Variants in SNRPB2 observed in about 807,000 individuals in gnomAD.
SNRPB2 encodes the protein small nuclear ribonucleoprotein polypeptide B2.
In SNRPB2, 16 loss-of-function variants were observed where a neutral mutation model predicts 26.3. The ratio of observed to expected loss-of-function variants is 0.61; its 90% CI spans 0.41 to 0.92. The LOEUF (loss-of-function observed/expected upper bound fraction) is 0.92, where lower values mean the gene tolerates loss of function less well. SNRPB2 is among the 40% of genes least tolerant of loss of function. The pLI is 0.00. For synonymous variants in SNRPB2, 75 were observed against 89.0 expected (o/e 0.84, Z 0.88); for missense variants, 179 against 268.1 (o/e 0.67, Z 2.32).
At chr20:16,735,777 CT>C (rs2072422347) in intron 3 of SNRPB2, among the ~76,000 whole-genome samples, 1 of 152,186 alleles carries the variant, frequency 6.6e-6, no homozygotes. Flanking sequence ...TGATTCCATT[CT>C]TTTGTTTCCT....
rs1054956006 is a variant in SNRPB2 at position 16,736,173 on chromosome 20, A to G, written c.238-1088A>G. On this transcript the variant is annotated intron_variant, in intron 3 of 6. Coordinates refer to ENST00000246071, the MANE Select transcript of SNRPB2 (RefSeq NM_003092.5). ...ACTACTCGCTGTTAAAAGCAACGGC[A>G]TAGATGAATCTCAAAGACATTATGC... Among the ~76,000 whole-genome samples the G allele has an allele frequency of 4.1e-4, 63 of 152,360 alleles. 1 individual carries two copies. The highest frequency in any genetic ancestry group is 1.3e-3 in the African/African-American group (55 of 41,598).
At chr20:16,732,621 C>G (rs2072400247) in intron 3 of SNRPB2, among the ~76,000 whole-genome samples, 1 of 152,116 alleles carries the variant, frequency 6.6e-6, no homozygotes, top group Non-Finnish European at 1.5e-5. Flanking sequence ...TCCTGGAAGA[C>G]TTGAAAAGAA....
At chr20:16,736,319 A>C (rs1393317515) in intron 3 of SNRPB2, among the ~76,000 whole-genome samples, 1 of 152,100 alleles carries the variant, frequency 6.6e-6, no homozygotes, top group Non-Finnish European at 1.5e-5. Flanking sequence ...TGGGGTAACA[A>C]AGGGGAAGCA....
Position 16,742,139 on chromosome 20 carries a change from CAGTT to C in SNRPB2, c.*1138_*1141del, listed in dbSNP as rs1302207085. 5 of 152,286 alleles carry C rather than the reference CAGTT, an allele frequency of 3.3e-5. No homozygotes were observed. Among genetic ancestry groups the C allele is most frequent in the South Asian group, 2.1e-4 (1 of 4,826 alleles). The allele number at this position is 152,286 out of a possible 1,614,324, so 9.4% of individuals were successfully genotyped here. Reference sequence around the variant, plus strand: ...AAAAATGTTTCCTATAACTTTGTCACAGTTAGTCTGACTCTTCTGAATAACTTTT... The same window carrying C: ...AAAAATGTTTCCTATAACTTTGTCACAGTCTGACTCTTCTGAATAACTTTT... On this transcript the variant is annotated 3_prime_UTR_variant, in exon 7 of 7. Transcript: ENST00000246071.
At position 16,738,970 on chromosome 20, in the gene SNRPB2, C is replaced by T. The variant is rs2072445933; in HGVS notation, c.429+68C>T. 3.0e-6 allele frequency: 3 copies of T among 1,011,780 alleles called. No individual in the cohort carries two copies. In the Admixed American group the frequency reaches 5.5e-5, roughly 18 times the overall value. 62.7% of individuals were successfully genotyped at this position (1,011,780 alleles called of 1,614,324 possible). A position where few individuals can be genotyped will look rare whatever the true frequency, so the allele number is the denominator to read the frequency against. ...TAAAAATTACAGCAGTGGTATAAAA[C>T]AATTTCCATGTCTCCAAAAACAAAA... On this transcript the variant is annotated intron_variant, in intron 5 of 6. Transcript: ENST00000246071.
At position 16,741,267 on chromosome 20, in the gene SNRPB2, C is replaced by G; in HGVS notation, c.*262C>G. ...CCATCTCCCTATCATCAAATGACTT[C>G]TAGTCTAGAACACACTTAAGGTTTA... On this transcript the variant is annotated 3_prime_UTR_variant, in exon 7 of 7. Transcript: ENST00000246071. The G allele has an allele frequency of 3.6e-6, 1 of 276,256 alleles. No homozygotes were observed. The highest frequency in any genetic ancestry group is 6.8e-6 in the Non-Finnish European group (1 of 147,402). 17.1% of individuals were successfully genotyped at this position (276,256 alleles called of 1,614,324 possible).
rs369660485 is a variant in SNRPB2, at chr20:16,732,425, A to G, written c.237+89A>G. The G allele has an allele frequency of 2.1e-4, 152 of 707,898 alleles. 1 individual carries two copies. Among genetic ancestry groups the G allele is most frequent in the Admixed American group, 5.9e-4 (21 of 35,544 alleles). The allele number at this position is 707,898 out of a possible 1,614,324, so 43.9% of individuals were successfully genotyped here. A position where few individuals can be genotyped will look rare whatever the true frequency, so the allele number is the denominator to read the frequency against. On this transcript the variant is annotated intron_variant, in intron 3 of 6. Transcript: ENST00000246071. ...TGTAAATATGCTTGAAACTGTGGCT[A>G]TTGCTTTCTGCTTTTAATTATGTGT...
chr20:16,737,589 A>T (rs2122504774), intron 4 of SNRPB2, among the ~76,000 whole-genome samples, 188 bp downstream of exon 4: 2 of 152,342 alleles, frequency 1.3e-5, no homozygotes, highest in Middle Eastern at 6.8e-3. Context: ...TATAAACCTT[A>T]ACATGGAGAT....
At chr20:16,732,139 CT>C in intron 2 of SNRPB2, 24 bp from the exon 3 acceptor site, 1 of 1,466,460 alleles carries the variant, frequency 6.8e-7, no homozygotes, top group Non-Finnish European at 9.3e-7. Flanking sequence ...TTACCAATAA[CT>C]TGTTTCTTTT....
intron 6 of SNRPB2, 152 bp downstream of exon 6, chr20:16,740,565 C>T (rs1315393481): frequency 9.7e-6 from 13 of 1,344,814 alleles, no homozygotes; most frequent in South Asian, 6.4e-5. Flanking sequence ...GCCAATTTGC[C>T]GATTTAGCAA....
chr20:16,737,517 T>A, intron 4 of SNRPB2, 116 bp downstream of exon 4: 1 of 916,708 alleles, frequency 1.1e-6, no homozygotes, highest in Non-Finnish European at 1.6e-6. Flanking sequence ...AATGTGTGTT[T>A]AAAAGGTGGT....
intron 6 of SNRPB2, 121 bp from the exon 7 acceptor site, chr20:16,740,725 T>C: frequency 1.3e-6 from 1 of 768,512 alleles, no homozygotes; most frequent in South Asian, 1.9e-5. Context: ...CTACTCAGTA[T>C]TCTTGGTTAG....
chr20:16,732,112 C>T lies in SNRPB2; in HGVS notation c.65-52C>T. 5 of 1,128,296 alleles carry T rather than the reference C, an allele frequency of 4.4e-6. No individual in the cohort carries two copies. In the South Asian group the frequency reaches 5.8e-5, roughly 13 times the overall value. 69.9% of individuals were successfully genotyped at this position (1,128,296 alleles called of 1,614,324 possible). On this transcript the variant is annotated intron_variant, in intron 2 of 6. Transcript: ENST00000246071. Reference sequence around the variant, plus strand: ...TCAATGCAGTATCATTTTATGAAGACTTTTGTCATTACTTTATTACCAATA... The same window carrying T: ...TCAATGCAGTATCATTTTATGAAGATTTTTGTCATTACTTTATTACCAATA...
At chr20:16,738,754 A>T (rs537442926) in intron 4 of SNRPB2, 98 bp from the exon 5 acceptor site, 1 of 723,940 alleles carries the variant, frequency 1.4e-6, no homozygotes, top group Non-Finnish European at 2.5e-6. Context: ...TATCTCTTGG[A>T]ATTAATGTTA....
intron 1 of SNRPB2, 33 bp downstream of exon 1, chr20:16,730,197 G>C (rs1283982790): frequency 6.6e-6 from 1 of 152,436 alleles, no homozygotes; most frequent in Non-Finnish European, 1.5e-5. Flanking sequence ...TTTGGATCTC[G>C]GAGGGGCAGG....
intron 3 of SNRPB2, among the ~76,000 whole-genome samples, chr20:16,734,629 T>G (rs1458368023): frequency 1.3e-5 from 2 of 152,098 alleles, no homozygotes; most frequent in South Asian, 2.1e-4. Context: ...TTGAAATGAG[T>G]GAGTCTTTGT....
In SNRPB2 at chr20:16,741,594, CAG is replaced by C. The variant is rs1244136444; in HGVS notation, c.*591_*592del. On this transcript the variant is annotated 3_prime_UTR_variant, in exon 7 of 7. Transcript: ENST00000246071. ...CTGTTCTTACTGTTTACTGAGAAAACAGAAAGGGAATGCTATCTTCACACTTT... is the reference window on the plus strand; with the variant it reads ...CTGTTCTTACTGTTTACTGAGAAAACAAAGGGAATGCTATCTTCACACTTT... The C allele has an allele frequency of 3.9e-5, 6 of 152,306 alleles. No homozygotes were observed. Among genetic ancestry groups the C allele is most frequent in the South Asian group, 2.1e-4 (1 of 4,826 alleles). 9.4% of individuals were successfully genotyped at this position (152,306 alleles called of 1,614,324 possible). A position where few individuals can be genotyped will look rare whatever the true frequency, so the allele number is the denominator to read the frequency against.
intron 3 of SNRPB2, among the ~76,000 whole-genome samples, chr20:16,733,212 T>G (rs2072404389): frequency 6.6e-6 from 1 of 152,264 alleles, no homozygotes; most frequent in Non-Finnish European, 1.5e-5. Flanking sequence ...AATTGGTTGT[T>G]CTTTGGTCTA....
chr20:16,730,278 C>T (rs2072380409), intron 1 of SNRPB2, 114 bp downstream of exon 1: 1 of 152,668 alleles, frequency 6.6e-6, no homozygotes, highest in Non-Finnish European at 1.5e-5. Flanking sequence ...GTTAGGGGGC[C>T]TTGGGCGAAG....
Sources: allele counts gnomAD v4.1 joint callset (sites outside exome capture counted in the v4.1 genomes callset), GRCh38; gene constraint gnomAD v4.1.1; transcripts MANE v1.5; gene names NCBI Gene and HGNC (gene_info 2026-07-23, HGNC 2026-07-21).